Variants in SLC9A4 observed in about 807,000 individuals in gnomAD.
The protein encoded by SLC9A4 is sodium/hydrogen exchanger 4.
Under a neutral mutation model 67.4 loss-of-function variants are expected in SLC9A4, and 63 were observed. That is an observed-to-expected ratio of 0.93 (90% CI 0.76 to 1.15). The LOEUF (loss-of-function observed/expected upper bound fraction) is 1.15. Ranked by LOEUF, SLC9A4 falls within the 50% of genes most tolerant of loss-of-function variation. The pLI, the probability that SLC9A4 is intolerant of heterozygous loss-of-function variation, is 0.00. For missense variants in SLC9A4, 1,089 were observed against 987.7 expected (o/e 1.10, Z -1.38); for synonymous variants, 393 against 367.2 (o/e 1.07, Z -0.80).
intron 2 of SLC9A4, among the ~76,000 whole-genome samples, chr2:102,479,895 C>T (rs2104413853): frequency 6.6e-6 from 1 of 152,264 alleles, no homozygotes; most frequent in East Asian, 1.9e-4. Context: ...GAAGAACATA[C>T]AGGCTTGAGC....
chr2:102,486,235 C>A (rs1332194339), intron 2 of SLC9A4, among the ~76,000 whole-genome samples: 2 of 152,178 alleles, frequency 1.3e-5, no homozygotes, highest in African/African-American at 4.8e-5. Context: ...CCTCTCTGGG[C>A]CTCAGTTTCC....
At chr2:102,475,522 C>T (rs529718055) in intron 1 of SLC9A4, among the ~76,000 whole-genome samples, 2 of 152,288 alleles carry the variant, frequency 1.3e-5, no homozygotes, top group East Asian at 3.9e-4. Flanking sequence ...TTTGTAGAGG[C>T]ATTGTATGCA....
At chr2:102,510,007 C>CT (rs35336558) in intron 6 of SLC9A4, among the ~76,000 whole-genome samples, 1,740 of 147,172 alleles carry the variant, frequency 0.012, 29 homozygotes, top group African/African-American at 0.037. Flanking sequence ...ATCATACTTC[C>CT]TTTTTTTTTT....
chr2:102,521,364 T>C (rs1017805259), intron 9 of SLC9A4, among the ~76,000 whole-genome samples: 1 of 152,240 alleles, frequency 6.6e-6, no homozygotes, highest in African/African-American at 2.4e-5. Context: ...TGTTCTACTT[T>C]CTAAGCCATA....
At chr2:102,484,422 T>C (rs905237996) in intron 2 of SLC9A4, among the ~76,000 whole-genome samples, 2 of 152,212 alleles carry the variant, frequency 1.3e-5, no homozygotes, top group Non-Finnish European at 2.9e-5. Flanking sequence ...CTGATCCTGT[T>C]GTGCCTCCTC....
chr2:102,489,539 G>A (rs559800612), intron 2 of SLC9A4, among the ~76,000 whole-genome samples: 22 of 152,226 alleles, frequency 1.4e-4, no homozygotes, highest in African/African-American at 5.3e-4. Context: ...AATTGAAAAA[G>A]AATTCCTTAA....
intron 9 of SLC9A4, among the ~76,000 whole-genome samples, chr2:102,520,360 A>G (rs147832498): frequency 1.1e-4 from 16 of 152,314 alleles, no homozygotes; most frequent in African/African-American, 2.4e-4. Flanking sequence ...GAGATAGTTT[A>G]GGTTACAATA....
chr2:102,475,813 T>A (rs1202983642), intron 1 of SLC9A4, among the ~76,000 whole-genome samples: 2 of 152,214 alleles, frequency 1.3e-5, no homozygotes, highest in South Asian at 4.1e-4. Context: ...GGTAGTTTTA[T>A]GTATAAGGGC....
chr2:102,508,377 A>C (rs1253940198), intron 5 of SLC9A4, 96 bp downstream of exon 5: 3 of 1,176,556 alleles, frequency 2.5e-6, no homozygotes, highest in Admixed American at 5.4e-5. Flanking sequence ...TCTGATTTTC[A>C]GATCTGTGCT....
At position 102,510,231 on chromosome 2, in the gene SLC9A4, G is replaced by GGATACAGATACAGATACAGATACA. The variant is rs1553413618; in HGVS notation, c.1488+1321_1488+1344dup. The stretch of plus-strand genomic sequence containing the variant: ...TAGATATAGATACAGATACGGATAC[G>GGATACAGATACAGATACAGATACA]GATACAGATACAGATACAGATACAG... On this transcript the variant is annotated intron_variant, in intron 6 of 11. Transcript: ENST00000295269. 4.9e-3 allele frequency among the ~76,000 whole-genome samples: 665 copies of GGATACAGATACAGATACAGATACA among 137,028 alleles called. 3 individuals are homozygous for GGATACAGATACAGATACAGATACA. The highest frequency in any genetic ancestry group is 6.0e-3 in the African/African-American group (219 of 36,376). 89.9% of individuals were successfully genotyped at this position (137,028 alleles called of 152,430 possible). A position where few individuals can be genotyped will look rare whatever the true frequency, so the allele number is the denominator to read the frequency against.
At chr2:102,524,567 TG>T (rs1674617941) in intron 9 of SLC9A4, among the ~76,000 whole-genome samples, 1 of 151,808 alleles carries the variant, frequency 6.6e-6, no homozygotes, top group African/African-American at 2.4e-5. Flanking sequence ...TGTGTGTGTG[TG>T]TGTGTGTGTG....
Position 102,491,317 on chromosome 2 carries a change from C to CTTTTTTTTTTTTT in SLC9A4, c.720+12038_720+12050dup, listed in dbSNP as rs61708027. On this transcript the variant is annotated intron_variant, in intron 2 of 11. Coordinates refer to ENST00000295269, the MANE Select transcript of SLC9A4 (RefSeq NM_001011552.4). ...ATTTCTCTTCCCATTTGTACTAATG[C>CTTTTTTTTTTTTT]TTTTTTTTTTTTTTTTTTTTTTTTT... is the stretch of plus-strand genomic sequence containing the variant. 3.9e-4 allele frequency among the ~76,000 whole-genome samples: 18 copies of CTTTTTTTTTTTTT among 45,768 alleles called. 2 individuals are homozygous for CTTTTTTTTTTTTT. Among genetic ancestry groups the CTTTTTTTTTTTTT allele is most frequent in the East Asian group, 2.7e-3 (3 of 1,092 alleles). 30.0% of individuals were successfully genotyped at this position (45,768 alleles called of 152,430 possible). A position where few individuals can be genotyped will look rare whatever the true frequency, so the allele number is the denominator to read the frequency against.
intron 11 of SLC9A4, among the ~76,000 whole-genome samples, chr2:102,531,441 G>C (rs1271533970): frequency 6.6e-6 from 1 of 152,138 alleles, no homozygotes; most frequent in Non-Finnish European, 1.5e-5. Flanking sequence ...ATAGACAGCT[G>C]CTGGCTCCCC....
At chr2:102,530,195 G>C (rs1374128568) in intron 11 of SLC9A4, among the ~76,000 whole-genome samples, 1 of 152,178 alleles carries the variant, frequency 6.6e-6, no homozygotes, top group Admixed American at 6.5e-5. Context: ...GCATCAGGTA[G>C]TTCATCCTCT....
At chr2:102,528,162 C>G (rs1402840305) in intron 11 of SLC9A4, among the ~76,000 whole-genome samples, 1 of 152,144 alleles carries the variant, frequency 6.6e-6, no homozygotes, top group Non-Finnish European at 1.5e-5. Context: ...CATGTGCCAC[C>G]ACACCCGGCC....
At chr2:102,494,979 C>T (rs1208422662) in intron 2 of SLC9A4, among the ~76,000 whole-genome samples, 2 of 152,064 alleles carry the variant, frequency 1.3e-5, no homozygotes, top group Admixed American at 6.6e-5. Context: ...TATCAACCAC[C>T]TTGCCCTAAT....
intron 4 of SLC9A4, chr2:102,505,821 T>C (rs1258529733): frequency 2.2e-5 from 5 of 230,258 alleles, no homozygotes; most frequent in Non-Finnish European, 2.6e-5. Flanking sequence ...TTTTGGTTCC[T>C]AAGACCAACA....
At chr2:102,479,388 A>C in intron 2 of SLC9A4, 86 bp downstream of exon 2, 1 of 1,366,502 alleles carries the variant, frequency 7.3e-7, no homozygotes, top group Non-Finnish European at 9.9e-7. Flanking sequence ...AGACGGCTCC[A>C]GTGTGGCTCA....
At chr2:102,517,214 A>G (rs1215613864) in intron 8 of SLC9A4, among the ~76,000 whole-genome samples, 2 of 152,218 alleles carry the variant, frequency 1.3e-5, no homozygotes, top group African/African-American at 4.8e-5. Flanking sequence ...GCAGCTGCAC[A>G]CAGGGCTGCT....
Sources: allele counts gnomAD v4.1 joint callset (sites outside exome capture counted in the v4.1 genomes callset), GRCh38; gene constraint gnomAD v4.1.1; transcripts MANE v1.5; gene names NCBI Gene and HGNC (gene_info 2026-07-23, HGNC 2026-07-21).